The following PDE6H variants were observed in gnomAD, a reference collection of about 807,000 sequenced individuals.
PDE6H encodes the protein phosphodiesterase 6H.
PDE6H carries 11 observed loss-of-function variants against 9.2 expected under a neutral mutation model. That is an observed-to-expected ratio of 1.19 (90% CI 0.75 to 1.97). The LOEUF (loss-of-function observed/expected upper bound fraction) is 1.97, where lower values mean the gene tolerates loss of function less well. Ranked by LOEUF, PDE6H falls within the 30% of genes most tolerant of loss-of-function variation. PDE6H has a pLI of 0.00. For missense variants in PDE6H, 98 were observed against 101.5 expected, an observed-to-expected ratio of 0.97 and a Z score of 0.15; for synonymous variants, 36 against 33.6, an observed-to-expected ratio of 1.07 and a Z score of -0.25.
At chr12:14,976,583 G>A (rs1864599371) in intron 1 of PDE6H, among the ~76,000 whole-genome samples, 1 of 152,140 alleles carries the variant, frequency 6.6e-6, no homozygotes, top group Admixed American at 6.5e-5. Flanking sequence ...TAGCACTTCG[G>A]GAGGCTGAGG....
At chr12:14,980,109 C>T (rs1177409999) in intron 3 of PDE6H, among the ~76,000 whole-genome samples, 4 of 152,164 alleles carry the variant, frequency 2.6e-5, no homozygotes, top group Admixed American at 1.3e-4. Flanking sequence ...AGAATAGTTT[C>T]GCTGCCCTAT....
chr12:14,973,425 C>T (rs1481572712), intron 1 of PDE6H, among the ~76,000 whole-genome samples: 1 of 152,078 alleles, frequency 6.6e-6, no homozygotes, highest in Non-Finnish European at 1.5e-5. Flanking sequence ...ACTAAATAAC[C>T]ACAGAGAAAA....
intron 3 of PDE6H, 150 bp downstream of exon 3, chr12:14,979,369 C>T: frequency 1.5e-6 from 1 of 689,318 alleles, no homozygotes; most frequent in Non-Finnish European, 2.6e-6. Flanking sequence ...TTAATTTACC[C>T]TCGAAATAAG....
intron 1 of PDE6H, among the ~76,000 whole-genome samples, chr12:14,973,799 T>G (rs1864553005): frequency 6.6e-6 from 1 of 152,134 alleles, no homozygotes; most frequent in Admixed American, 6.5e-5. Context: ...GTCTATAGCT[T>G]TGCTGAGAAA....
Position 14,981,448 on chromosome 12 carries a change from A to G in PDE6H, c.224A>G (p.His75Arg). Residue 75 changes from histidine to arginine, a missense_variant, in exon 4 of 4, where the codon CAT becomes CGT. His to Arg is a conservative substitution (Grantham distance 29). Coordinates refer to ENST00000266395, the MANE Select transcript of PDE6H (RefSeq NM_006205.3). ...PWEAFSHLELHELAQFGII is the reference protein window; with the variant it reads ...PWEAFSHLELRELAQFGII ...GAGGCATTCAGCCACCTGGAATTGC[A>G]TGAGCTCGCTCAGTTTGGGATTATC... 1 of 1,613,362 alleles carries G rather than the reference A, an allele frequency of 6.2e-7. No individual in the cohort carries two copies. Among genetic ancestry groups the G allele is most frequent in the Non-Finnish European group, 8.5e-7 (1 of 1,179,246 alleles).
chr12:14,978,635 A>G (rs1864633855), intron 2 of PDE6H, among the ~76,000 whole-genome samples: 2 of 152,184 alleles, frequency 1.3e-5, no homozygotes. Context: ...TTAACAAACT[A>G]TCATTACTTT....
At chr12:14,979,071 C>T in intron 2 of PDE6H, 108 bp from the exon 3 acceptor site, 1 of 765,188 alleles carries the variant, frequency 1.3e-6, no homozygotes, top group Non-Finnish European at 2.3e-6. Context: ...CATACAAACA[C>T]TTAAACCTCT....
At chr12:14,975,368 A>AT (rs11314271) in intron 1 of PDE6H, among the ~76,000 whole-genome samples, 14,839 of 149,092 alleles carry the variant, frequency 0.1, 802 homozygotes, top group South Asian at 0.18. Flanking sequence ...GTGTCTTGTA[A>AT]TTTTTTTTTT....
intron 1 of PDE6H, among the ~76,000 whole-genome samples, chr12:14,975,618 G>A (rs1437169801): frequency 6.6e-6 from 1 of 151,924 alleles, no homozygotes; most frequent in Non-Finnish European, 1.5e-5. Context: ...AACCACACTT[G>A]GGACAGACAC....
intron 1 of PDE6H, among the ~76,000 whole-genome samples, chr12:14,976,754 C>G (rs1016545855): frequency 2.0e-5 from 3 of 152,020 alleles, no homozygotes; most frequent in Non-Finnish European, 4.4e-5. Flanking sequence ...AATAAGGAAT[C>G]TTATGGAGAC....
intron 3 of PDE6H, among the ~76,000 whole-genome samples, chr12:14,980,426 C>T (rs1215860204): frequency 6.6e-6 from 1 of 152,100 alleles, no homozygotes; most frequent in African/African-American, 2.4e-5. Context: ...ATAAAATGCC[C>T]CTAAATATTT....
At chr12:14,980,906 A>T (rs549910207) in intron 3 of PDE6H, among the ~76,000 whole-genome samples, 22 of 152,228 alleles carry the variant, frequency 1.4e-4, no homozygotes, top group Non-Finnish European at 2.8e-4. Flanking sequence ...ATGCTTTGTG[A>T]TCGTTTCTCA....
chr12:14,973,712 C>T (rs1463617600), intron 1 of PDE6H, among the ~76,000 whole-genome samples: 5 of 152,116 alleles, frequency 3.3e-5, no homozygotes, highest in Admixed American at 6.5e-5. Flanking sequence ...TATTTATGGG[C>T]TCAACCCCAG....
intron 1 of PDE6H, among the ~76,000 whole-genome samples, chr12:14,975,833 T>G (rs1214532909): frequency 6.6e-6 from 1 of 150,792 alleles, no homozygotes; most frequent in East Asian, 1.9e-4. Flanking sequence ...TTGTTTTTTT[T>G]TTTTGGAGAC....
At chr12:14,978,275 C>G in intron 2 of PDE6H, 129 bp downstream of exon 2, 1 of 765,516 alleles carries the variant, frequency 1.3e-6, no homozygotes, top group Non-Finnish European at 2.2e-6. Flanking sequence ...CCTCTCTTTT[C>G]CTCTGTAACT....
At chr12:14,978,351 C>T (rs544505301) in intron 2 of PDE6H, among the ~76,000 whole-genome samples, 4 of 152,200 alleles carry the variant, frequency 2.6e-5, no homozygotes, top group South Asian at 2.1e-4. Flanking sequence ...GGTCTGTGGC[C>T]GAATTTAACA....
chr12:14,979,056 T>G (rs1212714588), intron 2 of PDE6H, 123 bp from the exon 3 acceptor site: 2 of 728,174 alleles, frequency 2.7e-6, no homozygotes, highest in African/African-American at 3.5e-5. Context: ...TAAAGGAGTT[T>G]CTCACATACA....
intron 2 of PDE6H, 57 bp downstream of exon 2, chr12:14,978,203 C>T (rs572688764): frequency 6.5e-7 from 1 of 1,545,618 alleles, no homozygotes; most frequent in African/African-American, 1.4e-5. Context: ...CACAAGACTG[C>T]TTTTGTTTTG....
chr12:14,978,221 G>A (rs778891864), intron 2 of PDE6H, 75 bp downstream of exon 2: 410 of 1,387,158 alleles, frequency 3.0e-4, no homozygotes, highest in Non-Finnish European at 4.0e-4. Flanking sequence ...TTGGGAAATT[G>A]GTGCTCACAA....
Sources: allele counts gnomAD v4.1 joint callset (sites outside exome capture counted in the v4.1 genomes callset), GRCh38; gene constraint gnomAD v4.1.1; transcripts MANE v1.5; gene names NCBI Gene and HGNC (gene_info 2026-07-23, HGNC 2026-07-21).